Variants in MAST4 observed in about 807,000 individuals in gnomAD.
MAST4 encodes microtubule-associated serine/threonine-protein kinase 4.
In MAST4, 89 loss-of-function variants were observed where a neutral mutation model predicts 162.7. The ratio of observed to expected loss-of-function variants is 0.55; its 90% confidence interval spans 0.46 to 0.65. MAST4 has a LOEUF of 0.65. Ranked by LOEUF, MAST4 falls within the 30% of genes least tolerant of loss-of-function variation. The pLI, the probability that MAST4 is intolerant of heterozygous loss-of-function variation, is 0.00. For synonymous variants in MAST4, 1,479 were observed against 1,361.1 expected, an observed-to-expected ratio of 1.09 and a Z score of -1.91; for missense variants, 3,153 against 3,374.0, an observed-to-expected ratio of 0.93 and a Z score of 1.62.
At chr5:67,100,635 T>C in intron 8 of MAST4, 43 bp downstream of exon 8, 1 of 1,610,234 alleles carries the variant, frequency 6.2e-7, no homozygotes, top group Non-Finnish European at 8.5e-7. Context: ...TTGGATTCTC[T>C]ATTTTCAAAC....
chr5:66,878,140 C>G (rs1761430173), intron 3 of MAST4, among the ~76,000 whole-genome samples: 1 of 152,170 alleles, frequency 6.6e-6, no homozygotes, highest in Non-Finnish European at 1.5e-5. Flanking sequence ...TAGATAAATA[C>G]CTATCATGAT....
intron 1 of MAST4, among the ~76,000 whole-genome samples, chr5:66,664,247 C>T (rs1232196414): frequency 1.3e-5 from 2 of 151,714 alleles, no homozygotes; most frequent in East Asian, 1.9e-4. Flanking sequence ...ACCAGCCTGG[C>T]CAACATGGTG....
chr5:67,138,608 A>G (rs1769975767), intron 19 of MAST4, among the ~76,000 whole-genome samples: 1 of 151,928 alleles, frequency 6.6e-6, no homozygotes, highest in Non-Finnish European at 1.5e-5. Flanking sequence ...TACTTTTTGT[A>G]TTTTTAGTAG....
intron 4 of MAST4, among the ~76,000 whole-genome samples, chr5:67,007,979 A>G (rs1175468985): frequency 6.6e-6 from 1 of 152,214 alleles, no homozygotes; most frequent in Non-Finnish European, 1.5e-5. Flanking sequence ...CAAGGACAGT[A>G]TATTATGCCC....
intron 23 of MAST4, among the ~76,000 whole-genome samples, chr5:67,148,196 T>C (rs938295748): frequency 4.6e-5 from 7 of 152,198 alleles, no homozygotes; most frequent in African/African-American, 1.4e-4. Context: ...ATACTCTGCA[T>C]GGATTGTATC....
At chr5:66,949,839 A>C (rs1172545498) in intron 4 of MAST4, among the ~76,000 whole-genome samples, 1 of 152,162 alleles carries the variant, frequency 6.6e-6, no homozygotes, top group African/African-American at 2.4e-5. Flanking sequence ...GTATGTGTGT[A>C]TTCTTATGTA....
chr5:66,743,241 C>T (rs1752571784), intron 1 of MAST4, among the ~76,000 whole-genome samples: 1 of 152,182 alleles, frequency 6.6e-6, no homozygotes, highest in Non-Finnish European at 1.5e-5. Flanking sequence ...CCCATGTCCC[C>T]TCTTCCTCCT....
At chr5:66,655,357 G>A (rs1392034673) in intron 1 of MAST4, among the ~76,000 whole-genome samples, 4 of 152,206 alleles carry the variant, frequency 2.6e-5, no homozygotes, top group Admixed American at 6.5e-5. Context: ...TAGCTGGATA[G>A]TAGCAGAGCT....
In MAST4 at chr5:66,666,061, C is replaced by T. The variant is rs570975818; in HGVS notation, c.363+69043C>T. ...TAGTTTAATTGGTTTAGGTCAGATC[C>T]GAACACTTCAGTTTTCCTAATTTGC... On this transcript the variant is annotated intron_variant, in intron 1 of 28. Coordinates refer to ENST00000403625, the MANE Select transcript of MAST4 (RefSeq NM_001164664.2). Among the ~76,000 whole-genome samples, 164 of 152,228 alleles carry T rather than the reference C, an allele frequency of 1.1e-3. 1 individual carries two copies. In the South Asian group the frequency reaches 0.015, roughly 14 times the overall value.
Position 66,616,569 on chromosome 5 carries a change from G to A in MAST4, c.363+19551G>A, listed in dbSNP as rs146652297. 6.0e-3 allele frequency among the ~76,000 whole-genome samples: 907 copies of A among 152,138 alleles called. 1 individual carries two copies. Among genetic ancestry groups the A allele is most frequent in the South Asian group, 0.033 (157 of 4,802 alleles). ...GGTTTAGGAGGGTGAAGCCCAGAGC[G>A]GGGCTCTTCTGGACTGGACTGGAGG... On this transcript the variant is annotated intron_variant, in intron 1 of 28. Transcript: ENST00000403625.
chr5:67,083,707 T>G (rs761892860), intron 5 of MAST4, among the ~76,000 whole-genome samples: 2 of 152,212 alleles, frequency 1.3e-5, no homozygotes, highest in Non-Finnish European at 2.9e-5. Context: ...GTAAGATTAA[T>G]AGAATGAATC....
At chr5:66,787,912 C>T (rs1460994432) in intron 2 of MAST4, among the ~76,000 whole-genome samples, 1 of 152,188 alleles carries the variant, frequency 6.6e-6, no homozygotes, top group Non-Finnish European at 1.5e-5. Flanking sequence ...TATGAATATT[C>T]ATGTCCATCC....
intron 4 of MAST4, among the ~76,000 whole-genome samples, chr5:66,988,544 GT>G (rs1749753210): frequency 6.6e-6 from 1 of 152,190 alleles, no homozygotes; most frequent in Admixed American, 6.5e-5. Flanking sequence ...CCTAGCAACA[GT>G]CCTATGAGGT....
intron 1 of MAST4, among the ~76,000 whole-genome samples, chr5:66,627,317 C>G (rs1207878911): frequency 6.6e-6 from 1 of 152,166 alleles, no homozygotes; most frequent in African/African-American, 2.4e-5. Flanking sequence ...CCAGGTCCTT[C>G]CCATGACACA....
At chr5:66,880,486 C>T (rs770017422) in intron 3 of MAST4, among the ~76,000 whole-genome samples, 1 of 152,114 alleles carries the variant, frequency 6.6e-6, no homozygotes, top group Non-Finnish European at 1.5e-5. Flanking sequence ...GCTCTTGACC[C>T]AGAGTTTCTT....
chr5:67,059,350 C>G (rs569570808), intron 5 of MAST4, among the ~76,000 whole-genome samples: 16 of 152,152 alleles, frequency 1.1e-4, no homozygotes, highest in Non-Finnish European at 2.2e-4. Context: ...ACTTGAAGGT[C>G]AACTGACTTG....
chr5:66,618,409 C>T lies in MAST4; in HGVS notation c.363+21391C>T, dbSNP rs1580003338. On this transcript the variant is annotated intron_variant, in intron 1 of 28. Coordinates refer to ENST00000403625, the MANE Select transcript of MAST4 (RefSeq NM_001164664.2). ...ACTCTCTGATTTTCCCTGACCTTCT[C>T]CCTCAGTGTAACAAAGGATTTTGGA... Among the ~76,000 whole-genome samples the T allele has an allele frequency of 4.6e-5, 7 of 152,294 alleles. No individual in the cohort carries two copies. In the South Asian group the frequency reaches 1.5e-3, roughly 32 times the overall value.
intron 1 of MAST4, among the ~76,000 whole-genome samples, chr5:66,743,970 G>A (rs1407733086): frequency 6.6e-6 from 1 of 152,056 alleles, no homozygotes; most frequent in Non-Finnish European, 1.5e-5. Flanking sequence ...AGCTAAGCAG[G>A]GCATTGCATT....
At chr5:66,832,594 G>C (rs575892995) in intron 3 of MAST4, among the ~76,000 whole-genome samples, 3 of 152,150 alleles carry the variant, frequency 2.0e-5, no homozygotes, top group South Asian at 2.1e-4. Flanking sequence ...ATCTGCCTCT[G>C]TCTCATGGTG....
Sources: allele counts gnomAD v4.1 joint callset (sites outside exome capture counted in the v4.1 genomes callset), GRCh38; gene constraint gnomAD v4.1.1; transcripts MANE v1.5; gene names NCBI Gene and HGNC (gene_info 2026-07-23, HGNC 2026-07-21).